Variants in MDGA2 observed in about 807,000 individuals in gnomAD.
The protein encoded by MDGA2 is MAM domain-containing glycosylphosphatidylinositol anchor protein 2.
In MDGA2, 40 loss-of-function variants were observed where a neutral mutation model predicts 117.8. The ratio of observed to expected loss-of-function variants is 0.34; its 90% confidence interval spans 0.26 to 0.44. MDGA2 has a LOEUF of 0.44. Ranked by LOEUF, MDGA2 falls within the 20% of genes least tolerant of loss-of-function variation. The probability of loss-of-function intolerance (pLI) is 1.00; values close to 1 mark genes in which losing one functional copy is unlikely to be tolerated. For synonymous variants in MDGA2, 452 were observed against 439.0 expected, an observed-to-expected ratio of 1.03 and a Z score of -0.37; for missense variants, 1,123 against 1,250.6, an observed-to-expected ratio of 0.90 and a Z score of 1.54.
intron 14 of MDGA2, among the ~76,000 whole-genome samples, chr14:46,858,232 G>A (rs1017166641): frequency 4.7e-5 from 7 of 150,390 alleles, no homozygotes; most frequent in Non-Finnish European, 7.4e-5. Context: ...AGCCCACCCA[G>A]TAAATTTTTT....
intron 5 of MDGA2, among the ~76,000 whole-genome samples, chr14:47,114,371 G>A (rs1332838595): frequency 6.6e-6 from 1 of 152,024 alleles, no homozygotes; most frequent in African/African-American, 2.4e-5. Context: ...TACATTCAAT[G>A]CTATTCTAAT....
At chr14:47,559,660 C>G (rs1297523422) in intron 1 of MDGA2, among the ~76,000 whole-genome samples, 3 of 151,838 alleles carry the variant, frequency 2.0e-5, no homozygotes, top group Non-Finnish European at 4.4e-5. Context: ...GCAACCCCCG[C>G]CTCCCGGGTT....
intron 6 of MDGA2, among the ~76,000 whole-genome samples, chr14:47,095,603 G>T (rs957075074): frequency 1.3e-5 from 2 of 151,446 alleles, no homozygotes; most frequent in African/African-American, 2.4e-5. Flanking sequence ...ATTTTGTTTT[G>T]ATATATAAAA....
At chr14:47,528,328 T>C (rs577222182) in intron 1 of MDGA2, among the ~76,000 whole-genome samples, 1 of 152,332 alleles carries the variant, frequency 6.6e-6, no homozygotes, top group South Asian at 2.1e-4. Context: ...AATAAAGCAG[T>C]ACAAAACAAA....
intron 2 of MDGA2, among the ~76,000 whole-genome samples, chr14:47,282,249 C>G (rs1453785894): frequency 6.6e-6 from 1 of 151,988 alleles, no homozygotes; most frequent in Non-Finnish European, 1.5e-5. Flanking sequence ...TTATTATATA[C>G]TAATAGATAC....
chr14:47,253,258 TCATTCCAG>T (rs898530183), intron 2 of MDGA2, among the ~76,000 whole-genome samples: 9 of 152,140 alleles, frequency 5.9e-5, no homozygotes, highest in Non-Finnish European at 1.2e-4. Context: ...AAGTTTTAGC[TCATTCCAG>T]CATTAACCCA....
chr14:47,268,624 A>C lies in MDGA2; in HGVS notation c.420+32787T>G, dbSNP rs543807061. Among the ~76,000 whole-genome samples, 18 of 152,298 alleles carry C rather than the reference A, an allele frequency of 1.2e-4. No individual in the cohort carries two copies. In the East Asian group the frequency reaches 3.3e-3, roughly 28 times the overall value. ...CATTTCTGAAAACTTGAAGTGTTTT[A>C]CTGTCATATGTCTAGATGCAATTCT... On this transcript the variant is annotated intron_variant, in intron 2 of 16. Transcript: ENST00000399232.
At chr14:47,276,828 C>A (rs1389036820) in intron 2 of MDGA2, among the ~76,000 whole-genome samples, 1 of 152,138 alleles carries the variant, frequency 6.6e-6, no homozygotes, top group Non-Finnish European at 1.5e-5. Context: ...TCATCACGCT[C>A]CTCAATATCT....
chr14:47,342,325 T>G (rs2138325738), intron 1 of MDGA2, among the ~76,000 whole-genome samples: 1 of 148,714 alleles, frequency 6.7e-6, no homozygotes, highest in Non-Finnish European at 1.5e-5. Context: ...TATATTTATA[T>G]AACATATATA....
intron 1 of MDGA2, among the ~76,000 whole-genome samples, chr14:47,308,963 A>C (rs1889548268): frequency 6.6e-6 from 1 of 152,090 alleles, no homozygotes; most frequent in Admixed American, 6.6e-5. Flanking sequence ...TTCTATGCAA[A>C]GATCTTTGAA....
chr14:46,876,980 C>T (rs1474483858), intron 12 of MDGA2, among the ~76,000 whole-genome samples: 4 of 151,442 alleles, frequency 2.6e-5, no homozygotes, highest in Non-Finnish European at 5.9e-5. Flanking sequence ...CAGAAGTCCC[C>T]AAATTTAACA....
At chr14:47,631,047 A>T (rs546174833) in intron 1 of MDGA2, among the ~76,000 whole-genome samples, 1 of 152,312 alleles carries the variant, frequency 6.6e-6, no homozygotes, top group Non-Finnish European at 1.5e-5. Context: ...TAGGTAAAAA[A>T]TCCTCTTAAT....
intron 8 of MDGA2, among the ~76,000 whole-genome samples, chr14:46,970,118 T>C (rs568618133): frequency 3.9e-5 from 6 of 151,920 alleles, no homozygotes; most frequent in African/African-American, 1.4e-4. Context: ...AAAATGATTC[T>C]ACTGCCCAAA....
At chr14:47,208,863 T>C (rs1226494028) in intron 3 of MDGA2, among the ~76,000 whole-genome samples, 1 of 151,950 alleles carries the variant, frequency 6.6e-6, no homozygotes, top group Non-Finnish European at 1.5e-5. Context: ...TTTTAAAAGA[T>C]CTCTTGGTAA....
chr14:46,941,898 G>C (rs79856172), intron 9 of MDGA2, among the ~76,000 whole-genome samples: 118 of 152,286 alleles, frequency 7.7e-4, no homozygotes, highest in African/African-American at 2.5e-3. Context: ...GTAAGACACA[G>C]TTTTGCAACC....
At chr14:47,304,444 G>C (rs1433380582) in intron 1 of MDGA2, among the ~76,000 whole-genome samples, 1 of 152,010 alleles carries the variant, frequency 6.6e-6, no homozygotes, top group African/African-American at 2.4e-5. Context: ...ACCTAGACTA[G>C]GCTAGGGGTA....
chr14:47,412,777 A>G (rs1892399563), intron 1 of MDGA2, among the ~76,000 whole-genome samples: 1 of 152,216 alleles, frequency 6.6e-6, no homozygotes, highest in Non-Finnish European at 1.5e-5. Context: ...TTCAGATGCT[A>G]TTGAGGTACA....
Position 46,929,636 on chromosome 14 carries a change from T to C in MDGA2, c.2090-9476A>G, listed in dbSNP as rs1595051065. 2.0e-4 allele frequency among the ~76,000 whole-genome samples: 9 copies of C among 44,324 alleles called. No homozygotes were observed. The Admixed American group carries it at 2.4e-3, about 12-fold the overall frequency. The allele number at this position is 44,324 out of a possible 152,430, so 29.1% of individuals were successfully genotyped here. ...ATATATATATATATATATATATATATATATATATATACATTTTTTTTTTTT... is the reference window on the plus strand; with the variant it reads ...ATATATATATATATATATATATATACATATATATATACATTTTTTTTTTTT... On this transcript the variant is annotated intron_variant, in intron 9 of 16. Coordinates refer to ENST00000399232, the MANE Select transcript of MDGA2 (RefSeq NM_001113498.3).
chr14:47,026,937 T>C lies in MDGA2; in HGVS notation c.1819+8074A>G, dbSNP rs542335142. Among the ~76,000 whole-genome samples the C allele has an allele frequency of 7.2e-5, 11 of 152,074 alleles. No homozygotes were observed. In the South Asian group the frequency reaches 1.9e-3, roughly 26 times the overall value. On this transcript the variant is annotated intron_variant, in intron 8 of 16. Coordinates refer to ENST00000399232, the MANE Select transcript of MDGA2 (RefSeq NM_001113498.3). ...CTTCAATCCCAGCACTTGGGAAAGCTGAGATGGGAGGGACGCTTGAGGCCA... is the reference window on the plus strand; with the variant it reads ...CTTCAATCCCAGCACTTGGGAAAGCCGAGATGGGAGGGACGCTTGAGGCCA...
Sources: allele counts gnomAD v4.1 joint callset (sites outside exome capture counted in the v4.1 genomes callset), GRCh38; gene constraint gnomAD v4.1.1; transcripts MANE v1.5; gene names NCBI Gene and HGNC (gene_info 2026-07-23, HGNC 2026-07-21).